The following STX17 variants were observed in gnomAD, a reference collection of about 807,000 sequenced individuals.
STX17 encodes the protein syntaxin 17.
A neutral mutation model predicts 35.9 loss-of-function variants in STX17; 29 were observed. The observed-to-expected ratio is 0.81, with a 90% CI of 0.60 to 1.10. The LOEUF is 1.10. Ranked by LOEUF, STX17 falls within the 50% of genes least tolerant of loss-of-function variation. The pLI, the probability that STX17 is intolerant of heterozygous loss-of-function variation, is 0.00. For missense variants in STX17, 312 were observed against 352.3 expected, an observed-to-expected ratio of 0.89 and a Z score of 0.92; for synonymous variants, 92 against 118.3, an observed-to-expected ratio of 0.78 and a Z score of 1.44.
intron 3 of STX17, chr9:99,929,927 T>TC: frequency 7.0e-6 from 1 of 143,626 alleles, no homozygotes. Flanking sequence ...TTTTTTTTTT[T>TC]TTTGCAACAG....
rs1389980323 is a variant in STX17 at position 99,974,521 on chromosome 9, A to ACTT, written c.*5849_*5851dup. 1.3e-5 allele frequency among the ~76,000 whole-genome samples: 2 copies of ACTT among 152,214 alleles called. No individual in the cohort carries two copies. The highest frequency in any genetic ancestry group is 4.8e-5 in the African/African-American group (2 of 41,438). ...GAATAAGGAAACATGCAATAAATTT[A>ACTT]CTTATTTAACCAACATTTAACTGAA... On this transcript the variant is annotated 3_prime_UTR_variant, in exon 8 of 8. Coordinates refer to ENST00000259400, the MANE Select transcript of STX17 (RefSeq NM_017919.3).
intron 3 of STX17, chr9:99,929,952 GCCC>G (rs1174182482): frequency 5.8e-5 from 6 of 104,036 alleles, no homozygotes; most frequent in Non-Finnish European, 8.7e-5. Flanking sequence ...TCACTCTGTT[GCCC>G]AGGCTGGAGT....
Position 99,968,915 on chromosome 9 carries a change from G to A in STX17, c.*242G>A. ...GTATGTCAGGTAAAGTTTGAAGACT[G>A]CCAAGGAGCAGATTTTCTCCCTGGA... On this transcript the variant is annotated 3_prime_UTR_variant, in exon 8 of 8. Transcript: ENST00000259400. 5.2e-6 allele frequency: 2 copies of A among 383,384 alleles called. No homozygotes were observed. The highest frequency in any genetic ancestry group is 4.5e-6 in the Non-Finnish European group (1 of 224,280). 23.7% of individuals were successfully genotyped at this position (383,384 alleles called of 1,614,324 possible). A position where few individuals can be genotyped will look rare whatever the true frequency, so the allele number is the denominator to read the frequency against.
chr9:99,960,665 A>G (rs1370886907), intron 6 of STX17, among the ~76,000 whole-genome samples: 1 of 152,060 alleles, frequency 6.6e-6, no homozygotes, highest in Non-Finnish European at 1.5e-5. Flanking sequence ...GCTGGTCTCA[A>G]ACTCCTGACC....
intron 3 of STX17, among the ~76,000 whole-genome samples, chr9:99,940,189 G>C (rs1236939136): frequency 1.3e-5 from 2 of 152,108 alleles, no homozygotes; most frequent in Admixed American, 6.5e-5. Flanking sequence ...GGAGTTCAGT[G>C]GCACGATCTC....
At chr9:99,926,882 T>G (rs1828996520) in intron 2 of STX17, among the ~76,000 whole-genome samples, 1 of 152,212 alleles carries the variant, frequency 6.6e-6, no homozygotes, top group Non-Finnish European at 1.5e-5. Context: ...GAGCAATACT[T>G]TGGAGTATTC....
intron 3 of STX17, among the ~76,000 whole-genome samples, chr9:99,942,338 AC>A (rs1437143234): frequency 2.0e-5 from 3 of 151,414 alleles, no homozygotes; most frequent in Non-Finnish European, 4.4e-5. Context: ...TTTGCCTATG[AC>A]CCCTTTATCA....
chr9:99,945,759 A>G (rs1036814147), intron 3 of STX17: 6 of 399,502 alleles, frequency 1.5e-5, no homozygotes, highest in Admixed American at 2.9e-5. Context: ...GATTTCATCA[A>G]CTGTGGAACA....
At position 99,915,317 on chromosome 9, in the gene STX17, A is replaced by C. The variant is rs200906831; in HGVS notation, c.78A>C (p.Pro26=). ...AGAAATTCATTAAGATAGTAATCCC[A>C]ACAGACCTGGAAAGGTTAAGAAAGC... ...AIQKFIKIVI[P]TDLERLRKHQ... is the part of the protein sequence containing the mutation. The change falls in exon 2 of 8, where the codon CCA becomes CCC. Residue 26 remains proline, a synonymous_variant. Coordinates refer to ENST00000259400, the MANE Select transcript of STX17 (RefSeq NM_017919.3). The C allele has an allele frequency of 1.6e-4, 258 of 1,612,608 alleles. No homozygotes were observed. The highest frequency in any genetic ancestry group is 2.8e-4 in the South Asian group (25 of 90,818).
chr9:99,913,583 T>C (rs1211829364), intron 1 of STX17, among the ~76,000 whole-genome samples: 1 of 152,200 alleles, frequency 6.6e-6, no homozygotes, highest in African/African-American at 2.4e-5. Context: ...TTTAAAAATA[T>C]ACTTACTTTA....
intron 4 of STX17, 77 bp from the exon 5 acceptor site, chr9:99,959,840 T>G (rs1409696103): frequency 9.3e-6 from 10 of 1,080,160 alleles, no homozygotes; most frequent in Non-Finnish European, 1.4e-5. Flanking sequence ...GGCATTTGTT[T>G]TATGAAATCA....
chr9:99,937,359 T>A (rs1366593232), intron 3 of STX17, among the ~76,000 whole-genome samples: 1 of 152,178 alleles, frequency 6.6e-6, no homozygotes, highest in Non-Finnish European at 1.5e-5. Flanking sequence ...TCCCTTCTCT[T>A]CTCCTTCAAG....
intron 2 of STX17, among the ~76,000 whole-genome samples, chr9:99,928,519 A>G (rs899922689): frequency 6.6e-6 from 1 of 152,160 alleles, no homozygotes; most frequent in Admixed American, 6.5e-5. Context: ...GACAAAATAC[A>G]TACTCTTTTT....
chr9:99,965,986 G>A (rs554568318), intron 6 of STX17, among the ~76,000 whole-genome samples: 1 of 152,328 alleles, frequency 6.6e-6, no homozygotes, highest in East Asian at 1.9e-4. Flanking sequence ...AGTGGCGTTT[G>A]CTGAGATTTG....
chr9:99,946,200 AT>A, intron 3 of STX17, among the ~76,000 whole-genome samples: 1 of 152,284 alleles, frequency 6.6e-6, no homozygotes, highest in Non-Finnish European at 1.5e-5. Context: ...TATTTATATT[AT>A]ATTAGGTATT....
In STX17 at chr9:99,924,292, C is replaced by T. The variant is rs183489912; in HGVS notation, c.124-4486C>T. ...TGTTTCCTGAGGTCTACTTTGGACA[C>T]TGAAAGTGCCCCAGCATTGTAACAA... On this transcript the variant is annotated intron_variant, in intron 2 of 7. Transcript: ENST00000259400. 8.5e-4 allele frequency among the ~76,000 whole-genome samples: 129 copies of T among 152,254 alleles called. 1 individual carries two copies. The highest frequency in any genetic ancestry group is 1.2e-3 in the Non-Finnish European group (82 of 68,026).
Position 99,951,180 on chromosome 9 carries a change from G to C in STX17, c.310G>C (p.Glu104Gln). 6.2e-7 allele frequency: 1 copy of C among 1,613,148 alleles called. No individual in the cohort carries two copies. The highest frequency in any genetic ancestry group is 8.5e-7 in the Non-Finnish European group (1 of 1,179,276). ...VKEEASAATA[E>Q]FLQLHLESVE... ...AGAAGAAGCATCAGCAGCAACAGCA[G>C]AATTTCTCCAACTCCATTTGGAATC... is the stretch of plus-strand genomic sequence containing the variant. Residue 104 changes from glutamate (E) to glutamine (Q), a missense_variant, in exon 4 of 8, where the codon GAA (glutamate) becomes CAA (glutamine). By Grantham distance (29) the Glu-to-Gln change is conservative (BLOSUM62 2). Coordinates refer to ENST00000259400, the MANE Select transcript of STX17 (RefSeq NM_017919.3).
rs780468704 is a variant in STX17 at position 99,967,631 on chromosome 9, C to T, written c.583-22C>T. ...TGCTGCTCCCCAGCAGGACCGCTCA[C>T]TCATAATTCCTTTGCATCTAGTCTC... On this transcript the variant is annotated intron_variant, in intron 6 of 7. Coordinates refer to ENST00000259400, the MANE Select transcript of STX17 (RefSeq NM_017919.3). 6 of 1,610,692 alleles carry T rather than the reference C, an allele frequency of 3.7e-6. No individual in the cohort carries two copies. The South Asian group carries it at 5.5e-5, about 15-fold the overall frequency.
At chr9:99,943,372 A>G (rs1021290656) in intron 3 of STX17, among the ~76,000 whole-genome samples, 2 of 151,862 alleles carry the variant, frequency 1.3e-5, no homozygotes, top group Non-Finnish European at 2.9e-5. Context: ...CAGTGGCGCA[A>G]TCTTGGCTCA....
Sources: allele counts gnomAD v4.1 joint callset (sites outside exome capture counted in the v4.1 genomes callset), GRCh38; gene constraint gnomAD v4.1.1; transcripts MANE v1.5; gene names NCBI Gene and HGNC (gene_info 2026-07-23, HGNC 2026-07-21).